The following NR2C2 variants were observed in gnomAD, a reference collection of about 807,000 sequenced individuals.
NR2C2 encodes the protein nuclear receptor subfamily 2 group C member 2.
In NR2C2, 6 loss-of-function variants were observed where a neutral mutation model predicts 62.9. That is an observed-to-expected ratio of 0.10 (90% CI 0.05 to 0.19). The LOEUF (loss-of-function observed/expected upper bound fraction) is 0.19. NR2C2 is among the 10% of genes least tolerant of loss of function. NR2C2 has a pLI of 1.00. For missense variants in NR2C2, 479 were observed against 762.7 expected (o/e 0.63, Z 4.38); for synonymous variants, 272 against 273.8 (o/e 0.99, Z 0.07).
At chr3:14,949,773 A>AT (rs2039289930) in intron 1 of NR2C2, among the ~76,000 whole-genome samples, 1 of 152,150 alleles carries the variant, frequency 6.6e-6, no homozygotes, top group Non-Finnish European at 1.5e-5. Context: ...TTATTTATTT[A>AT]TTTATTTTTT....
At chr3:15,013,550 G>A in intron 2 of NR2C2, 39 bp from the exon 3 acceptor site, 4 of 1,590,330 alleles carry the variant, frequency 2.5e-6, no homozygotes, top group Non-Finnish European at 3.4e-6. Flanking sequence ...TGGGTCTTGT[G>A]ACACTCCATG....
At position 15,030,287 on chromosome 3, in the gene NR2C2, C is replaced by T. The variant is rs758323208; in HGVS notation, c.945C>T (p.Thr315=). The change falls in exon 9 of 14, where the codon ACC becomes ACT. Residue 315 remains threonine (T), a synonymous_variant. Coordinates refer to ENST00000425241, the MANE Select transcript of NR2C2 (RefSeq NM_001291694.2). Reference sequence around the variant, plus strand: ...TTTTTGCTCACAGGGCATTTGATACCTTAGCTAAAGCACTTAATACCACAG... The same window carrying T: ...TTTTTGCTCACAGGGCATTTGATACTTTAGCTAAAGCACTTAATACCACAG... ...SASEITRAFD[T]LAKALNTTDS... is the part of the protein sequence containing the mutation. 1.9e-6 allele frequency: 3 copies of T among 1,610,240 alleles called. No homozygotes were observed. The South Asian group carries it at 3.3e-5, about 18-fold the overall frequency.
In NR2C2 at chr3:15,004,689, TCAA is replaced by T. The variant is rs2124936092; in HGVS notation, c.72+707_72+709del. The T allele has an allele frequency of 2.6e-6, 4 of 1,511,250 alleles. No individual in the cohort carries two copies. The African/African-American group carries it at 4.1e-5, about 16-fold the overall frequency. 93.6% of individuals were successfully genotyped at this position (1,511,250 alleles called of 1,614,324 possible). On this transcript the variant is annotated intron_variant, in intron 2 of 13. Transcript: ENST00000425241. The stretch of plus-strand genomic sequence containing the variant: ...TTGATGACAAAGATTTATTGTTATC[TCAA>T]CAAGCTGAATCAAAAAGCCAATTAT...
intron 1 of NR2C2, among the ~76,000 whole-genome samples, chr3:14,971,874 T>A (rs1324750592): frequency 6.6e-6 from 1 of 151,188 alleles, no homozygotes; most frequent in Non-Finnish European, 1.5e-5. Flanking sequence ...AATGGCATGA[T>A]CTCGGCTCAC....
intron 1 of NR2C2, among the ~76,000 whole-genome samples, chr3:14,985,965 TA>T (rs2040503513): frequency 6.6e-6 from 1 of 152,146 alleles, no homozygotes; most frequent in South Asian, 2.1e-4. Context: ...AACAGTTTTT[TA>T]ACAGTCACAT....
intron 13 of NR2C2, among the ~76,000 whole-genome samples, chr3:15,040,234 C>T (rs1293789656): frequency 6.6e-6 from 1 of 152,124 alleles, no homozygotes; most frequent in Non-Finnish European, 1.5e-5. Context: ...TTCAGATCTG[C>T]CAAAGGTCAG....
At chr3:14,948,677 C>T (rs1023931669) in intron 1 of NR2C2, 1 of 152,814 alleles carries the variant, frequency 6.5e-6, no homozygotes, top group Non-Finnish European at 1.5e-5. Flanking sequence ...GGCTGCTTCC[C>T]TCCGCCTGGA....
intron 1 of NR2C2, among the ~76,000 whole-genome samples, chr3:14,985,788 AG>A (rs2040498820): frequency 6.6e-6 from 1 of 152,176 alleles, no homozygotes; most frequent in Non-Finnish European, 1.5e-5. Flanking sequence ...TGCACATTTA[AG>A]TTTTTTCCAG....
chr3:14,977,040 T>C (rs1478663855), intron 1 of NR2C2, among the ~76,000 whole-genome samples: 1 of 152,236 alleles, frequency 6.6e-6, no homozygotes, highest in Non-Finnish European at 1.5e-5. Context: ...GAAATTGTTT[T>C]ATGCTAGTTC....
intron 2 of NR2C2, among the ~76,000 whole-genome samples, chr3:15,011,103 G>A (rs1256782890): frequency 6.6e-6 from 1 of 152,202 alleles, no homozygotes; most frequent in Non-Finnish European, 1.5e-5. Context: ...GGGAGGCCAA[G>A]GCGGCAGGAT....
chr3:14,964,145 C>G (rs1004039590), intron 1 of NR2C2, among the ~76,000 whole-genome samples: 1 of 152,050 alleles, frequency 6.6e-6, no homozygotes, highest in Non-Finnish European at 1.5e-5. Context: ...CTAGGCTAAT[C>G]AAGAGTTAAG....
At chr3:14,953,128 C>T (rs1376488252) in intron 1 of NR2C2, among the ~76,000 whole-genome samples, 1 of 151,928 alleles carries the variant, frequency 6.6e-6, no homozygotes, top group African/African-American at 2.4e-5. Context: ...TCTGTGTTAC[C>T]CTTGGACTCC....
intron 1 of NR2C2, among the ~76,000 whole-genome samples, chr3:14,992,192 CA>C (rs1466937326): frequency 6.6e-5 from 10 of 152,040 alleles, no homozygotes; most frequent in Non-Finnish European, 1.3e-4. Context: ...ACAACAACAA[CA>C]AAAACCCTGC....
chr3:14,971,762 TTTG>T lies in NR2C2; in HGVS notation c.-40+23865_-40+23867del, dbSNP rs1019662059. On this transcript the variant is annotated intron_variant, in intron 1 of 13. Transcript: ENST00000425241. ...AGTGATGTTGAACAGCTTTTCTTTT[TTTG>T]TTGTTGTTCACATTAAAAAATTAAT... Among the ~76,000 whole-genome samples, 73 of 151,736 alleles carry T rather than the reference TTTG, an allele frequency of 4.8e-4. 1 individual carries two copies. Among genetic ancestry groups the T allele is most frequent in the South Asian group, 1.2e-3 (6 of 4,820 alleles).
At chr3:14,988,197 G>A (rs2040562307) in intron 1 of NR2C2, among the ~76,000 whole-genome samples, 1 of 152,260 alleles carries the variant, frequency 6.6e-6, no homozygotes, top group African/African-American at 2.4e-5. Flanking sequence ...GTCTCGTGAA[G>A]CTATGGCTGT....
intron 1 of NR2C2, among the ~76,000 whole-genome samples, chr3:14,949,159 C>T (rs2039260108): frequency 1.3e-5 from 2 of 151,466 alleles, no homozygotes; most frequent in South Asian, 2.1e-4. Context: ...TACAAGACCC[C>T]TGCCCTCACT....
At chr3:15,022,634 G>A (rs1385447309) in intron 5 of NR2C2, among the ~76,000 whole-genome samples, 1 of 152,064 alleles carries the variant, frequency 6.6e-6, no homozygotes, top group African/African-American at 2.4e-5. Flanking sequence ...ACCCATCTCG[G>A]CTTCCCAAAG....
In NR2C2 at chr3:14,982,903, A is replaced by T. The variant is rs1205261213; in HGVS notation, c.-39-20973A>T. ...CCTTTATTCGATTAAGGACATTGGA[A>T]TAAAAGTTGTTATATTCAGCAAATA... On this transcript the variant is annotated intron_variant, in intron 1 of 13. Transcript: ENST00000425241. 6.6e-5 allele frequency among the ~76,000 whole-genome samples: 10 copies of T among 152,350 alleles called. No individual in the cohort carries two copies. In the East Asian group the frequency reaches 1.9e-3, roughly 29 times the overall value.
In NR2C2 at chr3:15,047,036, G is replaced by A. The variant is rs2042479886; in HGVS notation, c.*4028G>A. 1 of 152,646 alleles carries A rather than the reference G, an allele frequency of 6.6e-6. No individual in the cohort carries two copies. Among genetic ancestry groups the A allele is most frequent in the African/African-American group, 2.4e-5 (1 of 41,436 alleles). 9.5% of individuals were successfully genotyped at this position (152,646 alleles called of 1,614,324 possible). A position where few individuals can be genotyped will look rare whatever the true frequency, so the allele number is the denominator to read the frequency against. On this transcript the variant is annotated 3_prime_UTR_variant, in exon 14 of 14. Coordinates refer to ENST00000425241, the MANE Select transcript of NR2C2 (RefSeq NM_001291694.2). ...AGCATTGTGCGTGTACAGGTTTCTA[G>A]GCTGTAAGACTGAATGAATGTACAT...
Sources: gnomAD v4.1 joint callset for allele counts (sites outside exome capture counted in the v4.1 genomes callset) on GRCh38, gnomAD v4.1.1 for gene constraint, MANE v1.5 for transcripts, NCBI Gene and HGNC (gene_info 2026-07-23, HGNC 2026-07-21) for gene names.